The following KAZN variants were observed in gnomAD, a reference collection of about 807,000 sequenced individuals.
KAZN encodes kazrin, periplakin interacting protein, also known as kazrin.
Under a neutral mutation model 87.4 loss-of-function variants are expected in KAZN, and 40 were observed. The observed-to-expected ratio is 0.46, with a 90% CI of 0.36 to 0.60. The LOEUF (loss-of-function observed/expected upper bound fraction) is 0.60. Ranked by LOEUF, KAZN falls within the 20% of genes least tolerant of loss-of-function variation. KAZN has a pLI of 0.00. For synonymous variants in KAZN, 466 were observed against 458.3 expected (o/e 1.02, Z -0.22); for missense variants, 898 against 1,073.9 (o/e 0.84, Z 2.29).
intron 1 of KAZN, among the ~76,000 whole-genome samples, chr1:14,156,387 T>C (rs2101813558): frequency 6.6e-6 from 1 of 152,334 alleles, no homozygotes; most frequent in South Asian, 2.1e-4. Flanking sequence ...CCAATGTTTC[T>C]TTGTTGATTT....
At chr1:14,598,129 G>A (rs917991036), upstream of KAZN, among the ~76,000 whole-genome samples, 2 of 152,116 alleles carry the variant, frequency 1.3e-5, no homozygotes, top group African/African-American at 2.4e-5. This position sits in a 1 kb window ranked among gnomAD's most constrained non-coding sequence, Gnocchi z 4.2. Context: ...AGCACCAGCG[G>A]CCCACGCCGA....
chr1:14,893,863 G>A (rs183684872), intron 1 of KAZN, among the ~76,000 whole-genome samples: 4 of 152,270 alleles, frequency 2.6e-5, no homozygotes, highest in Non-Finnish European at 5.9e-5. Flanking sequence ...TGCTTACTGG[G>A]ACGTCTCAAA....
rs547668295 is a variant in KAZN at position 14,550,849 on chromosome 1, C to T, written c.250-48134C>T. 6.7e-5 allele frequency among the ~76,000 whole-genome samples: 10 copies of T among 149,416 alleles called. No individual in the cohort carries two copies. In the South Asian group the frequency reaches 2.0e-3, roughly 29 times the overall value. ...CAGGCCAACCCCCAAACCAAGGGGA[C>T]AGTCCTCCCTTCCCATACCCAATTC... On this transcript the variant is annotated intron_variant, in intron 2 of 16. Coordinates refer to the KAZN transcript ENST00000636203.
At chr1:13,975,436 T>C (rs1638300971) in intron 1 of KAZN, among the ~76,000 whole-genome samples, 2 of 152,262 alleles carry the variant, frequency 1.3e-5, no homozygotes, top group African/African-American at 2.4e-5. Flanking sequence ...GGCTCGACTC[T>C]TTCCTCTGCA....
At chr1:14,807,127 G>A (rs1646248460) in intron 1 of KAZN, among the ~76,000 whole-genome samples, 2 of 152,184 alleles carry the variant, frequency 1.3e-5, no homozygotes, top group Admixed American at 6.5e-5. Flanking sequence ...TGAGAAGTGG[G>A]CCCAGCACAT....
At chr1:14,433,227 T>G (rs1455892444) in intron 2 of KAZN, among the ~76,000 whole-genome samples, 2 of 152,122 alleles carry the variant, frequency 1.3e-5, no homozygotes, top group African/African-American at 4.8e-5. Flanking sequence ...TCCCAGAAAG[T>G]TCCTCATGCC....
intron 1 of KAZN, among the ~76,000 whole-genome samples, chr1:14,837,207 G>A (rs1469399615): frequency 6.6e-6 from 1 of 152,114 alleles, no homozygotes; most frequent in Non-Finnish European, 1.5e-5. Flanking sequence ...TGTTGTTGCT[G>A]CTGTTTTTGA....
rs77198538 is a variant in KAZN at position 14,853,837 on chromosome 1, G to T, written c.227-106847G>T. 5.6e-3 allele frequency among the ~76,000 whole-genome samples: 848 copies of T among 152,264 alleles called. 10 individuals are homozygous for T. Among genetic ancestry groups the T allele is most frequent in the African/African-American group, 0.019 (809 of 41,546 alleles). ...CTCCATCTATTTCAAGAGCTCCCGT[G>T]GGGGCCGAGACACCACAGCTGATGG... On this transcript the variant is annotated intron_variant, in intron 1 of 14. Coordinates refer to ENST00000376030, the MANE Select transcript of KAZN (RefSeq NM_201628.3).
At chr1:15,104,338 C>CAGGAAACT (rs1641220722) in intron 13 of KAZN, 149 bp downstream of exon 13, 1 of 847,508 alleles carries the variant, frequency 1.2e-6, no homozygotes, top group Non-Finnish European at 1.8e-6. Context: ...TTTTACAGAT[C>CAGGAAACT]AGGAAACTAA....
At chr1:14,811,473 G>A (rs1022814905) in intron 1 of KAZN, among the ~76,000 whole-genome samples, 2 of 152,202 alleles carry the variant, frequency 1.3e-5, no homozygotes, top group Non-Finnish European at 2.9e-5. Flanking sequence ...AATGCCTTGT[G>A]CAACATCGAA....
intron 1 of KAZN, among the ~76,000 whole-genome samples, chr1:14,139,642 C>A (rs1346215432): frequency 2.0e-5 from 3 of 152,188 alleles, no homozygotes; most frequent in African/African-American, 7.2e-5. Flanking sequence ...TTAGCTTCTG[C>A]AGAGGTGGCC....
rs1166018470 is a variant in KAZN, at chr1:14,856,316, A to G, written c.227-104368A>G. 6.6e-6 allele frequency among the ~76,000 whole-genome samples: 1 copy of G among 152,234 alleles called. No individual in the cohort carries two copies. The highest frequency in any genetic ancestry group is 1.5e-5 in the Non-Finnish European group (1 of 68,040). On this transcript the variant is annotated intron_variant, in intron 1 of 14. Coordinates refer to ENST00000376030, the MANE Select transcript of KAZN (RefSeq NM_201628.3). The surrounding 1 kb of genome is among the most constrained non-coding windows in gnomAD (Gnocchi z 5.2). ...TGCTTTTATGGGTACCTATGCATTC[A>G]TGCCTAAGTGTGAGCTTGAACTGTA...
intron 1 of KAZN, among the ~76,000 whole-genome samples, chr1:13,938,699 C>T (rs565535569): frequency 3.1e-4 from 47 of 152,330 alleles, no homozygotes; most frequent in African/African-American, 1.1e-3. Flanking sequence ...CCTAGTGGAG[C>T]TGTGGGAAGG....
intron 1 of KAZN, among the ~76,000 whole-genome samples, chr1:14,840,752 T>C (rs1467984719): frequency 6.6e-6 from 1 of 152,236 alleles, no homozygotes; most frequent in East Asian, 1.9e-4. Flanking sequence ...ACCCTTCAAA[T>C]CTATGCAGGG....
chr1:14,636,541 G>T (rs1680002133), intron 1 of KAZN, among the ~76,000 whole-genome samples: 1 of 152,142 alleles, frequency 6.6e-6, no homozygotes, highest in South Asian at 2.1e-4. Flanking sequence ...AACACTCACT[G>T]GGTCCCAGCA....
intron 1 of KAZN, among the ~76,000 whole-genome samples, chr1:14,910,219 C>T (rs1322831392): frequency 6.6e-6 from 1 of 152,150 alleles, no homozygotes; most frequent in Admixed American, 6.5e-5. Flanking sequence ...TGACCTTTAG[C>T]CATGAGTGGC....
chr1:14,967,763 G>A (rs1664617652), intron 2 of KAZN, among the ~76,000 whole-genome samples: 1 of 152,178 alleles, frequency 6.6e-6, no homozygotes, highest in South Asian at 2.1e-4. Context: ...CTAGAAGCTG[G>A]GAAAGACAAG....
chr1:14,000,556 TA>T (rs1344032675), intron 1 of KAZN, among the ~76,000 whole-genome samples: 1 of 152,134 alleles, frequency 6.6e-6, no homozygotes, highest in Non-Finnish European at 1.5e-5. Context: ...TATCTCAAAA[TA>T]ATAAGAGCTA....
At chr1:14,055,881 G>A (rs1374445434) in intron 1 of KAZN, among the ~76,000 whole-genome samples, 1 of 152,176 alleles carries the variant, frequency 6.6e-6, no homozygotes, top group Non-Finnish European at 1.5e-5. Flanking sequence ...ATGTCTCAAT[G>A]TCTGGGGGAA....
Sources: allele counts gnomAD v4.1 joint callset (sites outside exome capture counted in the v4.1 genomes callset), GRCh38; gene constraint gnomAD v4.1.1; non-coding constraint Gnocchi (gnomAD v3.1); transcripts MANE v1.5; gene names NCBI Gene and HGNC (gene_info 2026-07-23, HGNC 2026-07-21).